The following MAP3K5 variants were observed in gnomAD, a reference collection of about 807,000 sequenced individuals.
MAP3K5 encodes mitogen-activated protein kinase kinase kinase 5, also known as ASK-1.
A neutral mutation model predicts 158.7 loss-of-function variants in MAP3K5; 56 were observed. The observed-to-expected ratio is 0.35, with a 90% CI of 0.28 to 0.44. The LOEUF is 0.44. Ranked by LOEUF, MAP3K5 falls within the 20% of genes least tolerant of loss-of-function variation. The probability of loss-of-function intolerance (pLI) is 1.00; values close to 1 mark genes in which losing one functional copy is unlikely to be tolerated. For synonymous variants in MAP3K5, 579 were observed against 601.7 expected, an observed-to-expected ratio of 0.96 and a Z score of 0.55; for missense variants, 1,294 against 1,674.8, an observed-to-expected ratio of 0.77 and a Z score of 3.97.
At chr6:136,740,305 T>G (rs1222917342) in intron 1 of MAP3K5, among the ~76,000 whole-genome samples, 10 of 152,230 alleles carry the variant, frequency 6.6e-5, no homozygotes, top group Admixed American at 5.9e-4. Flanking sequence ...CTTCCCCCTC[T>G]TTCACCTTTA....
intron 7 of MAP3K5, among the ~76,000 whole-genome samples, chr6:136,673,456 A>G (rs532484314): frequency 1.8e-4 from 28 of 152,340 alleles, no homozygotes; most frequent in African/African-American, 6.5e-4. Flanking sequence ...GAGTTTATAG[A>G]CAAGGACTTT....
chr6:136,788,096 AGAGTT>A (rs1363806446), intron 1 of MAP3K5, among the ~76,000 whole-genome samples: 3 of 152,232 alleles, frequency 2.0e-5, no homozygotes, highest in Admixed American at 2.0e-4. Flanking sequence ...GTAATAGGGC[AGAGTT>A]GAGAAGTTGT....
rs539608309 is a variant in MAP3K5 at position 136,646,726 on chromosome 6, T to C, written c.1789-4157A>G. Among the ~76,000 whole-genome samples the C allele has an allele frequency of 1.8e-4, 27 of 152,370 alleles. No homozygotes were observed. The South Asian group carries it at 3.3e-3, about 19-fold the overall frequency. On this transcript the variant is annotated intron_variant, in intron 11 of 29. Transcript: ENST00000359015. Reference sequence around the variant, plus strand: ...AGTTTTTGTAGTTTCCACTGGATGATTAGTGTATCTCAGCTTGTGAGAACA... The same window carrying C: ...AGTTTTTGTAGTTTCCACTGGATGACTAGTGTATCTCAGCTTGTGAGAACA...
At chr6:136,561,980 T>C (rs1583184577) in intron 27 of MAP3K5, among the ~76,000 whole-genome samples, 1 of 152,350 alleles carries the variant, frequency 6.6e-6, no homozygotes, top group Non-Finnish European at 1.5e-5. Flanking sequence ...AGCAGAGAAC[T>C]ATATAATTAT....
intron 10 of MAP3K5, among the ~76,000 whole-genome samples, chr6:136,653,589 G>A (rs1778613980): frequency 6.6e-6 from 1 of 152,032 alleles, no homozygotes; most frequent in Admixed American, 6.6e-5. Context: ...TTCCGGAAGT[G>A]GTTACAACTT....
intron 14 of MAP3K5, among the ~76,000 whole-genome samples, chr6:136,631,281 G>A (rs1777340140): frequency 6.6e-6 from 1 of 152,108 alleles, no homozygotes; most frequent in African/African-American, 2.4e-5. Context: ...AACACTATAA[G>A]TGATGTATTT....
At chr6:136,602,476 T>C (rs1775920986) in intron 19 of MAP3K5, among the ~76,000 whole-genome samples, 1 of 152,080 alleles carries the variant, frequency 6.6e-6, no homozygotes, top group South Asian at 2.1e-4. Flanking sequence ...GCTAATTTTT[T>C]GTACTTTTTG....
At chr6:136,778,987 G>A (rs968378539) in intron 1 of MAP3K5, among the ~76,000 whole-genome samples, 2 of 152,048 alleles carry the variant, frequency 1.3e-5, no homozygotes, top group Admixed American at 6.6e-5. Context: ...GTAACATGGT[G>A]AGACCTTGTC....
chr6:136,669,678 G>A (rs979682605), intron 7 of MAP3K5, among the ~76,000 whole-genome samples: 27 of 152,070 alleles, frequency 1.8e-4, no homozygotes, highest in Non-Finnish European at 4.4e-5. Flanking sequence ...ATGTGAATGT[G>A]AAAATTTAGT....
intron 8 of MAP3K5, among the ~76,000 whole-genome samples, chr6:136,665,879 A>AT (rs1779209912): frequency 6.6e-6 from 1 of 152,036 alleles, no homozygotes; most frequent in Non-Finnish European, 1.5e-5. Context: ...TCTATTCAAT[A>AT]TTTTTTAATG....
intron 1 of MAP3K5, among the ~76,000 whole-genome samples, chr6:136,760,589 C>T (rs1056107758): frequency 3.3e-5 from 5 of 152,144 alleles, no homozygotes; most frequent in African/African-American, 1.2e-4. Context: ...TCCTCACCCC[C>T]CAAGGTGATA....
intron 2 of MAP3K5, among the ~76,000 whole-genome samples, chr6:136,715,808 A>G (rs947440849): frequency 6.6e-6 from 1 of 152,042 alleles, no homozygotes; most frequent in Non-Finnish European, 1.5e-5. Flanking sequence ...ACGGGGGCGG[A>G]TTGCTTGAGA....
intron 14 of MAP3K5, chr6:136,629,191 G>GCCT (rs1343743822): frequency 6.6e-6 from 1 of 152,156 alleles, no homozygotes; most frequent in African/African-American, 2.4e-5. Flanking sequence ...CAACGAAGTG[G>GCCT]TGACTCACTG....
At chr6:136,626,944 T>C (rs1777066176) in intron 14 of MAP3K5, among the ~76,000 whole-genome samples, 1 of 152,194 alleles carries the variant, frequency 6.6e-6, no homozygotes, top group Non-Finnish European at 1.5e-5. Flanking sequence ...AGATTTTGTA[T>C]CCTTTCCACT....
At chr6:136,562,052 T>G (rs1830539798) in intron 27 of MAP3K5, among the ~76,000 whole-genome samples, 1 of 152,236 alleles carries the variant, frequency 6.6e-6, no homozygotes, top group Non-Finnish European at 1.5e-5. Flanking sequence ...TGAATTCTGT[T>G]TTCCTCTAAA....
intron 7 of MAP3K5, among the ~76,000 whole-genome samples, chr6:136,685,663 A>G (rs73558243): frequency 0.067 from 10,278 of 152,302 alleles, 604 homozygotes; most frequent in African/African-American, 0.16. Context: ...TCAAGTCAAC[A>G]GAAAATGATT....
At chr6:136,662,599 C>T (rs1779054174) in intron 8 of MAP3K5, among the ~76,000 whole-genome samples, 1 of 152,028 alleles carries the variant, frequency 6.6e-6, no homozygotes, top group African/African-American at 2.4e-5. Flanking sequence ...CTCACACCCA[C>T]ACAGAATATA....
Position 136,656,442 on chromosome 6 carries a change from T to C in MAP3K5, c.1545A>G (p.Val515=). 1 of 1,585,200 alleles carries C rather than the reference T, an allele frequency of 6.3e-7. No homozygotes were observed. Among genetic ancestry groups the C allele is most frequent in the South Asian group, 1.2e-5 (1 of 86,498 alleles). Residue 515 remains valine (V), a synonymous_variant, in exon 10 of 30, where the codon GTA becomes GTG. Transcript: ENST00000359015. ...KTPAWYLKSI[V]ETILIYKHFV... is the part of the protein sequence containing the mutation. ...AATGCTTATATATTAAAATTGTCTC[T>C]ACAATAGACTTGAGGTACCTGAGAA...
chr6:136,756,640 G>C (rs1245589831), intron 1 of MAP3K5, among the ~76,000 whole-genome samples: 1 of 152,136 alleles, frequency 6.6e-6, no homozygotes, highest in Non-Finnish European at 1.5e-5. Context: ...AAGAGAAAAG[G>C]AGTGGTCAGC....
Sources: gnomAD v4.1 joint callset for allele counts (sites outside exome capture counted in the v4.1 genomes callset) on GRCh38, gnomAD v4.1.1 for gene constraint, MANE v1.5 for transcripts, NCBI Gene and HGNC (gene_info 2026-07-23, HGNC 2026-07-21) for gene names.